Variants in TAB2 observed in about 807,000 individuals in gnomAD.
TAB2 encodes TGF-beta activated kinase 1 (MAP3K7) binding protein 2.
In TAB2, 3 loss-of-function variants were observed where a neutral mutation model predicts 65.0. The observed-to-expected ratio is 0.05, with a 90% CI of 0.02 to 0.12. The LOEUF (loss-of-function observed/expected upper bound fraction) is 0.12. TAB2 is among the 10% of genes least tolerant of loss of function. The probability of loss-of-function intolerance (pLI) is 1.00; values close to 1 mark genes in which losing one functional copy is unlikely to be tolerated. For missense variants in TAB2, 623 were observed against 840.3 expected (o/e 0.74, Z 3.20); for synonymous variants, 298 against 285.1 (o/e 1.05, Z -0.46).
chr6:149,308,913 A>C (rs1779117965), intron 1 of TAB2, among the ~76,000 whole-genome samples: 1 of 152,178 alleles, frequency 6.6e-6, no homozygotes, highest in Non-Finnish European at 1.5e-5. Flanking sequence ...TAAGAATATT[A>C]ACTCTTAGTT....
intron 3 of TAB2, among the ~76,000 whole-genome samples, chr6:149,380,657 T>G (rs1562444294): frequency 2.6e-5 from 4 of 152,350 alleles, no homozygotes; most frequent in Admixed American, 2.6e-4. Context: ...GTAGATGAAC[T>G]GAGCCTTTTA....
At chr6:149,279,059 G>T (rs1778526509) in intron 1 of TAB2, among the ~76,000 whole-genome samples, 1 of 152,270 alleles carries the variant, frequency 6.6e-6, no homozygotes, top group Non-Finnish European at 1.5e-5. Flanking sequence ...TCCATTCCTT[G>T]ATTCCAGTTT....
At chr6:149,265,735 C>T (rs979628459) in intron 1 of TAB2, among the ~76,000 whole-genome samples, 1 of 152,196 alleles carries the variant, frequency 6.6e-6, no homozygotes, top group Admixed American at 6.5e-5. Context: ...ACGCCCCAAG[C>T]CCCACGCGCG....
intron 1 of TAB2, among the ~76,000 whole-genome samples, chr6:149,310,177 T>C (rs1453121057): frequency 6.6e-6 from 1 of 151,712 alleles, no homozygotes; most frequent in Non-Finnish European, 1.5e-5. Flanking sequence ...CTACCACAAA[T>C]ACAAAAAAAT....
At chr6:149,243,262 C>T (rs1015114886) in intron 1 of TAB2, 3 of 152,188 alleles carry the variant, frequency 2.0e-5, no homozygotes, top group African/African-American at 7.2e-5. Context: ...TTTGGGCAGG[C>T]TCTTCAGACT....
At chr6:149,381,106 G>T (rs564731549) in intron 3 of TAB2, among the ~76,000 whole-genome samples, 1 of 152,182 alleles carries the variant, frequency 6.6e-6, no homozygotes, top group Non-Finnish European at 1.5e-5. Context: ...CAAAAATAAA[G>T]TACGCAGGGC....
chr6:149,223,652 C>G (rs1304115409), intron 1 of TAB2, among the ~76,000 whole-genome samples: 1 of 152,146 alleles, frequency 6.6e-6, no homozygotes, highest in Non-Finnish European at 1.5e-5. Context: ...TTGCCCCTAC[C>G]GTTTTAGAGA....
chr6:149,351,579 A>T (rs115651731), intron 1 of TAB2, among the ~76,000 whole-genome samples: 2,398 of 152,262 alleles, frequency 0.016, 53 homozygotes, highest in South Asian at 0.096. Context: ...TTATTATCTT[A>T]CTTGGATTAC....
intron 1 of TAB2, among the ~76,000 whole-genome samples, chr6:149,268,460 T>C (rs1212134388): frequency 6.6e-6 from 1 of 152,328 alleles, no homozygotes; most frequent in African/African-American, 2.4e-5. Flanking sequence ...ATCATTTTCA[T>C]GAACCACATT....
At chr6:149,402,009 AAAG>A (rs1345983871) in intron 6 of TAB2, among the ~76,000 whole-genome samples, 47 of 147,022 alleles carry the variant, frequency 3.2e-4, no homozygotes, top group Middle Eastern at 6.9e-3. Context: ...AAAAAAAAAA[AAAG>A]AAAGATCTCA....
upstream of TAB2, among the ~76,000 whole-genome samples, chr6:149,314,555 C>T (rs1779218049): frequency 6.6e-6 from 1 of 152,198 alleles, no homozygotes; most frequent in South Asian, 2.1e-4. Flanking sequence ...ATAACTTTCC[C>T]TGATATCTCT....
In TAB2 at chr6:149,400,490, G is replaced by T. The variant is rs765354962; in HGVS notation, c.1939+1306G>T. Reference sequence around the variant, plus strand: ...AGGATGGTTCTGTGGTGCAGTTTAAGATTAAGAGGCAGACACCACTTAGTA... The same window carrying T: ...AGGATGGTTCTGTGGTGCAGTTTAATATTAAGAGGCAGACACCACTTAGTA... On this transcript the variant is annotated intron_variant, in intron 6 of 6. Coordinates refer to ENST00000637181, the MANE Select transcript of TAB2 (RefSeq NM_001292034.3). 2.0e-5 allele frequency: 32 copies of T among 1,614,104 alleles called. No individual in the cohort carries two copies. The South Asian group carries it at 2.9e-4, about 14-fold the overall frequency.
intron 3 of TAB2, among the ~76,000 whole-genome samples, chr6:149,389,959 C>T (rs2114921547): frequency 6.6e-6 from 1 of 152,306 alleles, no homozygotes; most frequent in East Asian, 1.9e-4. Context: ...ATTCCTCATA[C>T]TTTTATTTTA....
intron 1 of TAB2, among the ~76,000 whole-genome samples, chr6:149,342,373 TAG>T (rs1780157353): frequency 1.3e-5 from 2 of 152,200 alleles, no homozygotes; most frequent in African/African-American, 2.4e-5. Flanking sequence ...CTCTTTCTGT[TAG>T]AGTTACTCTG....
chr6:149,385,247 C>T (rs1781751094), intron 3 of TAB2, among the ~76,000 whole-genome samples: 1 of 152,202 alleles, frequency 6.6e-6, no homozygotes, highest in Middle Eastern at 3.2e-3. Flanking sequence ...GAGCAAGATA[C>T]TCTTCAAAAG....
intron 1 of TAB2, among the ~76,000 whole-genome samples, chr6:149,231,733 C>CTTTGGAAAG (rs1289188517): frequency 1.3e-5 from 2 of 152,116 alleles, no homozygotes; most frequent in Non-Finnish European, 2.9e-5. Flanking sequence ...TGAAAATCTC[C>CTTTGGAAAG]TTTGGAAAGT....
At chr6:149,328,027 T>G (rs1470819679) in intron 1 of TAB2, among the ~76,000 whole-genome samples, 1 of 152,210 alleles carries the variant, frequency 6.6e-6, no homozygotes, top group African/African-American at 2.4e-5. Context: ...AAGAAGTAAG[T>G]GCTCTTGTTG....
At position 149,310,576 on chromosome 6, in the gene TAB2, T is replaced by TAAAA. The variant is rs10668215; in HGVS notation, c.-120-67441_-120-67438dup. ...TGGAAAATAATATATATATTTTTTT[T>TAAAA]AAAATTGCATTTACATGATTACCAA... On this transcript the variant is annotated intron_variant, in intron 1 of 1. Transcript: ENST00000606202. Among the ~76,000 whole-genome samples, 161 of 151,402 alleles carry TAAAA rather than the reference T, an allele frequency of 1.1e-3. 3 individuals are homozygous for TAAAA. Among genetic ancestry groups the TAAAA allele is most frequent in the African/African-American group, 3.3e-3 (137 of 41,196 alleles).
rs570196677 is a variant in TAB2, at chr6:149,368,773, T to C, written c.-89-1136T>C. Reference sequence around the variant, plus strand: ...GAGATGTAACTAAGCTAAAGCCACATAGATAAAATAATTAAGTACAATTTA... The same window carrying C: ...GAGATGTAACTAAGCTAAAGCCACACAGATAAAATAATTAAGTACAATTTA... On this transcript the variant is annotated intron_variant, in intron 1 of 6. Coordinates refer to ENST00000637181, the MANE Select transcript of TAB2 (RefSeq NM_001292034.3). 7.9e-5 allele frequency among the ~76,000 whole-genome samples: 12 copies of C among 152,208 alleles called. No individual in the cohort carries two copies. The South Asian group carries it at 2.5e-3, about 32-fold the overall frequency.
Sources: allele counts gnomAD v4.1 joint callset (sites outside exome capture counted in the v4.1 genomes callset), GRCh38; gene constraint gnomAD v4.1.1; transcripts MANE v1.5; gene names NCBI Gene and HGNC (gene_info 2026-07-23, HGNC 2026-07-21).